The following RAB11FIP2 variants were observed in gnomAD, a reference collection of about 807,000 sequenced individuals.
RAB11FIP2 encodes RAB11 family interacting protein 2, also known as rab11 family-interacting protein 2.
RAB11FIP2 carries 16 observed loss-of-function variants against 40.9 expected under a neutral mutation model. The observed-to-expected ratio is 0.39, with a 90% CI of 0.26 to 0.59. The LOEUF is 0.59. Ranked by LOEUF, RAB11FIP2 falls within the 20% of genes least tolerant of loss-of-function variation. The pLI is 0.53. For missense variants in RAB11FIP2, 532 were observed against 606.2 expected, an observed-to-expected ratio of 0.88 and a Z score of 1.28; for synonymous variants, 228 against 213.7, an observed-to-expected ratio of 1.07 and a Z score of -0.58.
Position 118,040,295 on chromosome 10 carries a change from TTTC to T in RAB11FIP2, c.621_623del (p.Met207_Lys208delinsIle), listed in dbSNP as rs557107719. ...AGAGAAAAGGCTTTTTTGGTTTGGA[TTTC>T]ATCTGTATTTCACCACTTGAAAATT... On this transcript the variant is annotated inframe_deletion, in exon 2 of 5. Coordinates refer to ENST00000355624, the MANE Select transcript of RAB11FIP2 (RefSeq NM_014904.3). 1.1e-4 allele frequency: 183 copies of T among 1,613,906 alleles called. 4 individuals carry two copies. The highest frequency in any genetic ancestry group is 1.0e-3 in the South Asian group (95 of 91,074).
At chr10:118,042,542 G>A (rs1178206076) in intron 1 of RAB11FIP2, among the ~76,000 whole-genome samples, 1 of 152,154 alleles carries the variant, frequency 6.6e-6, no homozygotes, top group African/African-American at 2.4e-5. Context: ...ACATACTGCA[G>A]GACACTGTAT....
chr10:118,009,022 T>C lies in RAB11FIP2; in HGVS notation c.1515A>G (p.Lys505=). 2 of 1,612,986 alleles carry C rather than the reference T, an allele frequency of 1.2e-6. No homozygotes were observed. The highest frequency in any genetic ancestry group is 1.7e-6 in the Non-Finnish European group (2 of 1,179,092). The change falls in exon 5 of 5, where the codon AAA becomes AAG. Residue 505 remains lysine, a synonymous_variant. Transcript: ENST00000355624. ...ILRVPYEPSR[K]AGKFSNS ...ATTAACTGTTAGAGAATTTGCCAGC[T>C]TTCCTGGATGGTTCATACGGCACTC...
chr10:118,014,979 G>T, intron 4 of RAB11FIP2, 86 bp downstream of exon 4: 1 of 1,179,534 alleles, frequency 8.5e-7, no homozygotes, highest in Non-Finnish European at 1.2e-6. Context: ...CAGAAGGCAA[G>T]AAGACAAAGG....
In RAB11FIP2 at chr10:118,046,189, T is replaced by G; in HGVS notation, c.-26A>C. The G allele has an allele frequency of 1.3e-6, 2 of 1,596,474 alleles. No homozygotes were observed. The highest frequency in any genetic ancestry group is 1.7e-6 in the Non-Finnish European group (2 of 1,166,884). On this transcript the variant is annotated 5_prime_UTR_variant, in exon 1 of 5. Transcript: ENST00000355624. ...CCTGTCCTGTTTCTCTGCCCCCGAG[T>G]TCCCTAGCACAGGCAGTGCCCCTCC...
chr10:118,015,105 T>C lies in RAB11FIP2; in HGVS notation c.1271A>G (p.His424Arg). The change falls in exon 4 of 5, where the codon CAT (histidine) becomes CGT (arginine). Residue 424 changes from histidine to arginine, a missense_variant. Transcript: ENST00000355624. ...ASNIMPSSSFHMSPTSNEDLR... is the reference protein window; with the variant it reads ...ASNIMPSSSFRMSPTSNEDLR... ...GTCTTCATTGCTTGTTGGACTCATA[T>C]GAAAACTAATAAAACACAAACAAAT... 3 of 1,608,168 alleles carry C rather than the reference T, an allele frequency of 1.9e-6. No homozygotes were observed. The highest frequency in any genetic ancestry group is 1.7e-5 in the Admixed American group (1 of 59,490).
At chr10:118,027,806 C>T (rs11198239) in intron 3 of RAB11FIP2, among the ~76,000 whole-genome samples, 7,132 of 152,074 alleles carry the variant, frequency 0.047, 402 homozygotes, top group East Asian at 0.17. Flanking sequence ...CCCTTCAAAA[C>T]TTATCTAATA....
chr10:118,044,953 T>C lies in RAB11FIP2; in HGVS notation c.353+858A>G, dbSNP rs1846607506. ...TATGGAAGGGGTGAGTATACTTAACTCTAAAAACATATTTTTTTTCAATTT... is the reference window on the plus strand; with the variant it reads ...TATGGAAGGGGTGAGTATACTTAACCCTAAAAACATATTTTTTTTCAATTT... On this transcript the variant is annotated intron_variant, in intron 1 of 4. Transcript: ENST00000355624. 4.6e-5 allele frequency among the ~76,000 whole-genome samples: 7 copies of C among 152,150 alleles called. No individual in the cohort carries two copies. In the South Asian group the frequency reaches 1.4e-3, roughly 31 times the overall value.
At chr10:118,010,371 C>T (rs369926855) in intron 4 of RAB11FIP2, among the ~76,000 whole-genome samples, 2 of 152,116 alleles carry the variant, frequency 1.3e-5, no homozygotes, top group East Asian at 3.8e-4. Context: ...TTAAGGAATA[C>T]TATCTAATCT....
chr10:118,018,185 T>C (rs547165991), intron 3 of RAB11FIP2: 2 of 152,340 alleles, frequency 1.3e-5, no homozygotes, highest in South Asian at 2.1e-4. Flanking sequence ...TGTCAAACAC[T>C]TGACGAACTC....
At chr10:118,022,321 C>T (rs1321884324) in intron 3 of RAB11FIP2, among the ~76,000 whole-genome samples, 1 of 152,172 alleles carries the variant, frequency 6.6e-6, no homozygotes, top group East Asian at 1.9e-4. Context: ...TCTGCCCATC[C>T]CTCCTTGTCC....
chr10:118,041,700 T>C (rs1846560830), intron 1 of RAB11FIP2, among the ~76,000 whole-genome samples: 1 of 152,160 alleles, frequency 6.6e-6, no homozygotes, highest in African/African-American at 2.4e-5. Context: ...ACCAACTGGA[T>C]ATGCCAAGAG....
rs1369160836 is a variant in RAB11FIP2, at chr10:118,046,430, G to A, written c.-267C>T. Reference sequence around the variant, plus strand: ...CGTGCAGGCCTCTGCGCGGACCCCCGCCCCTGTCTCCACCTTCCCCAGGCC... The same window carrying A: ...CGTGCAGGCCTCTGCGCGGACCCCCACCCCTGTCTCCACCTTCCCCAGGCC... On this transcript the variant is annotated 5_prime_UTR_variant, in exon 1 of 5. Coordinates refer to ENST00000355624, the MANE Select transcript of RAB11FIP2 (RefSeq NM_014904.3). 6 of 422,960 alleles carry A rather than the reference G, an allele frequency of 1.4e-5. No homozygotes were observed. The highest frequency in any genetic ancestry group is 2.1e-5 in the Non-Finnish European group (5 of 236,784). 26.2% of individuals were successfully genotyped at this position (422,960 alleles called of 1,614,324 possible). A position where few individuals can be genotyped will look rare whatever the true frequency, so the allele number is the denominator to read the frequency against.
At position 118,040,583 on chromosome 10, in the gene RAB11FIP2, A is replaced by C; in HGVS notation, c.354-18T>G. 7 of 1,536,604 alleles carry C rather than the reference A, an allele frequency of 4.6e-6. No homozygotes were observed. Among genetic ancestry groups the C allele is most frequent in the Non-Finnish European group, 6.2e-6 (7 of 1,137,982 alleles). On this transcript the variant is annotated intron_variant, in intron 1 of 4. Transcript: ENST00000355624. ...TAAACCACCTTAAAGAGAAGAAAAA[A>C]AAATTGGCTGTAACACATAATAGAG...
intron 1 of RAB11FIP2, among the ~76,000 whole-genome samples, chr10:118,041,888 A>G (rs891858398): frequency 6.6e-6 from 1 of 152,156 alleles, no homozygotes; most frequent in African/African-American, 2.4e-5. Flanking sequence ...CAATATTTTA[A>G]AATACTATTA....
chr10:118,013,087 T>A (rs1589637180), intron 4 of RAB11FIP2, among the ~76,000 whole-genome samples: 1 of 152,102 alleles, frequency 6.6e-6, no homozygotes, highest in East Asian at 1.9e-4. Context: ...AAATGTACAT[T>A]TTTTACAATA....
In RAB11FIP2 at chr10:118,007,228, G is replaced by C. The variant is rs539282721; in HGVS notation, c.*1770C>G. The C allele has an allele frequency of 6.7e-6, 1 of 150,026 alleles. No individual in the cohort carries two copies. The highest frequency in any genetic ancestry group is 2.4e-5 in the African/African-American group (1 of 41,020). The allele number at this position is 150,026 out of a possible 1,614,324, so 9.3% of individuals were successfully genotyped here. Reference sequence around the variant, plus strand: ...AAAATACCATTCTACACCAGACTTTGAGGTTTATTACAGAATCTTGAGGAG... The same window carrying C: ...AAAATACCATTCTACACCAGACTTTCAGGTTTATTACAGAATCTTGAGGAG... On this transcript the variant is annotated 3_prime_UTR_variant, in exon 5 of 5. Coordinates refer to ENST00000355624, the MANE Select transcript of RAB11FIP2 (RefSeq NM_014904.3).
chr10:118,040,187 G>A lies in RAB11FIP2; in HGVS notation c.732C>T (p.Gly244=), dbSNP rs1179282708. 1.2e-6 allele frequency: 2 copies of A among 1,613,806 alleles called. No individual in the cohort carries two copies. The highest frequency in any genetic ancestry group is 1.7e-6 in the Non-Finnish European group (2 of 1,179,758). The change falls in exon 2 of 5, where the codon GGC becomes GGT. Residue 244 remains glycine, a synonymous_variant. Transcript: ENST00000355624. ...SHMSSEKLKA[G]TIGQTHLLGH... is the part of the protein sequence containing the mutation. ...CGAGAAGATGTGTTTGACCTATGGTGCCAGCCTTCAGTTTCTCAGAAGACA... is the reference window on the plus strand; with the variant it reads ...CGAGAAGATGTGTTTGACCTATGGTACCAGCCTTCAGTTTCTCAGAAGACA...
intron 4 of RAB11FIP2, among the ~76,000 whole-genome samples, chr10:118,011,087 T>G (rs183608556): frequency 6.6e-6 from 1 of 152,140 alleles, no homozygotes; most frequent in East Asian, 1.9e-4. Context: ...AGTGGAATCA[T>G]TTGGAGGGGC....
chr10:118,046,308 G>A lies in RAB11FIP2; in HGVS notation c.-145C>T. 1 of 726,930 alleles carries A rather than the reference G, an allele frequency of 1.4e-6. No homozygotes were observed. Among genetic ancestry groups the A allele is most frequent in the East Asian group, 2.6e-5 (1 of 38,822 alleles). 45.0% of individuals were successfully genotyped at this position (726,930 alleles called of 1,614,324 possible). ...GCTCCCCGACTTCCCTATGGCTGAT[G>A]TCAAAACGCCTCGCGGGGGCAGCCC... On this transcript the variant is annotated 5_prime_UTR_variant, in exon 1 of 5. Coordinates refer to ENST00000355624, the MANE Select transcript of RAB11FIP2 (RefSeq NM_014904.3).
Sources: allele counts gnomAD v4.1 joint callset (sites outside exome capture counted in the v4.1 genomes callset), GRCh38; gene constraint gnomAD v4.1.1; transcripts MANE v1.5; gene names NCBI Gene and HGNC (gene_info 2026-07-23, HGNC 2026-07-21).